The following ANKFN1 variants were observed in gnomAD, a reference collection of about 807,000 sequenced individuals.
The protein encoded by ANKFN1 is ankyrin repeat and fibronectin type-III domain-containing protein 1.
In ANKFN1, 74 loss-of-function variants were observed where a neutral mutation model predicts 108.7. The ratio of observed to expected loss-of-function variants is 0.68; its 90% CI spans 0.56 to 0.83. The LOEUF (loss-of-function observed/expected upper bound fraction) is 0.83, where lower values mean the gene tolerates loss of function less well. Among genes scored for constraint, ANKFN1 ranks in the 40% least tolerant of loss-of-function variants. The pLI, the probability that ANKFN1 is intolerant of heterozygous loss-of-function variation, is 0.00. For synonymous variants in ANKFN1, 547 were observed against 516.2 expected, an observed-to-expected ratio of 1.06 and a Z score of -0.81; for missense variants, 1,505 against 1,382.3, an observed-to-expected ratio of 1.09 and a Z score of -1.41.
At chr17:56,138,785 A>G (rs540625968) in intron 4 of ANKFN1, among the ~76,000 whole-genome samples, 10 of 152,274 alleles carry the variant, frequency 6.6e-5, no homozygotes, top group African/African-American at 2.2e-4. Flanking sequence ...TGCTAGGATT[A>G]TAAGTGTGAG....
At chr17:56,377,608 C>G (rs1162216880) in intron 8 of ANKFN1, among the ~76,000 whole-genome samples, 3 of 152,200 alleles carry the variant, frequency 2.0e-5, no homozygotes, top group African/African-American at 7.2e-5. Flanking sequence ...ATTTCAGATG[C>G]TTCGATGCTT....
chr17:56,361,315 C>T (rs1244246914), intron 6 of ANKFN1, among the ~76,000 whole-genome samples: 1 of 152,118 alleles, frequency 6.6e-6, no homozygotes. Context: ...TCCCATCCCC[C>T]AAAACCCAAA....
intron 1 of ANKFN1, among the ~76,000 whole-genome samples, chr17:56,165,422 T>G (rs1397669367): frequency 1.3e-5 from 2 of 152,240 alleles, no homozygotes; most frequent in African/African-American, 4.8e-5. Context: ...AGATAGGGTA[T>G]GCTTTATGTC....
intron 1 of ANKFN1, among the ~76,000 whole-genome samples, chr17:56,209,577 A>G (rs1914810810): frequency 6.6e-6 from 1 of 152,238 alleles, no homozygotes; most frequent in Admixed American, 6.5e-5. Flanking sequence ...TATCTGAAAC[A>G]GAGTCTCCTA....
chr17:56,175,143 T>G (rs1911030734), intron 1 of ANKFN1, among the ~76,000 whole-genome samples: 1 of 152,196 alleles, frequency 6.6e-6, no homozygotes, highest in Non-Finnish European at 1.5e-5. Flanking sequence ...TCTGCAGGAT[T>G]TTACTTATAC....
chr17:56,346,764 AT>A (rs1409107673), intron 4 of ANKFN1, among the ~76,000 whole-genome samples: 8 of 151,334 alleles, frequency 5.3e-5, no homozygotes, highest in Admixed American at 2.6e-4. Flanking sequence ...TTTATGTGAA[AT>A]TTTTTTTAGG....
chr17:56,239,619 C>T (rs1429718771), intron 3 of ANKFN1, among the ~76,000 whole-genome samples: 1 of 152,044 alleles, frequency 6.6e-6, no homozygotes, highest in Admixed American at 6.6e-5. Flanking sequence ...CTCTGTTGAC[C>T]AGGCCAATCT....
intron 4 of ANKFN1, among the ~76,000 whole-genome samples, chr17:56,332,757 A>C (rs1375017485): frequency 6.6e-6 from 1 of 152,088 alleles, no homozygotes; most frequent in East Asian, 1.9e-4. Flanking sequence ...ACATAGTGTA[A>C]GTCTTCCAAC....
At chr17:56,493,851 A>G (rs1336853105) in intron 19 of ANKFN1, among the ~76,000 whole-genome samples, 3 of 152,174 alleles carry the variant, frequency 2.0e-5, no homozygotes, top group African/African-American at 7.2e-5. Flanking sequence ...ACAATTTGTT[A>G]TGAGGACTTA....
At chr17:56,439,596 T>C (rs766225291) in intron 8 of ANKFN1, among the ~76,000 whole-genome samples, 25 of 151,568 alleles carry the variant, frequency 1.6e-4, no homozygotes, top group Admixed American at 5.3e-4. Flanking sequence ...CCTTTTCCAA[T>C]GAAAAGGCTT....
intron 4 of ANKFN1, among the ~76,000 whole-genome samples, chr17:56,099,197 G>T (rs72829709): frequency 6.6e-6 from 1 of 152,164 alleles, no homozygotes; most frequent in African/African-American, 2.4e-5. Flanking sequence ...ACTGAATCTT[G>T]TTAGTCAAAC....
intron 14 of ANKFN1, among the ~76,000 whole-genome samples, chr17:56,460,307 G>A (rs968386945): frequency 4.6e-5 from 7 of 152,096 alleles, no homozygotes; most frequent in African/African-American, 1.4e-4. Context: ...ACAAAAATTA[G>A]CTGGATGTGG....
intron 4 of ANKFN1, among the ~76,000 whole-genome samples, chr17:56,064,978 G>A (rs80323468): frequency 3.3e-5 from 5 of 152,180 alleles, no homozygotes; most frequent in African/African-American, 4.8e-5. Context: ...TCCCCTGCCC[G>A]TGGGACTCTC....
chr17:56,201,544 G>A (rs540870979), intron 1 of ANKFN1, among the ~76,000 whole-genome samples: 1 of 152,098 alleles, frequency 6.6e-6, no homozygotes, highest in South Asian at 2.1e-4. Context: ...GACATATAAT[G>A]TATCCTTAAT....
intron 4 of ANKFN1, among the ~76,000 whole-genome samples, chr17:56,086,241 C>T (rs535017131): frequency 1.3e-5 from 2 of 150,640 alleles, no homozygotes; most frequent in Non-Finnish European, 3.0e-5. Flanking sequence ...ATCATCTCTA[C>T]TAAAAATACA....
intron 8 of ANKFN1, among the ~76,000 whole-genome samples, chr17:56,413,920 C>T (rs113061564): frequency 0.015 from 2,298 of 152,180 alleles, 29 homozygotes; most frequent in Non-Finnish European, 0.021. Flanking sequence ...TCAGGTGATC[C>T]GCCCACCTCA....
chr17:56,172,687 T>C (rs1303738354), intron 1 of ANKFN1, among the ~76,000 whole-genome samples: 1 of 152,128 alleles, frequency 6.6e-6, no homozygotes, highest in African/African-American at 2.4e-5. Flanking sequence ...GCATGGGATG[T>C]ATTTGCTGAA....
chr17:56,408,137 G>C lies in ANKFN1; in HGVS notation c.911-32190G>C, dbSNP rs368313366. On this transcript the variant is annotated intron_variant, in intron 8 of 20. Transcript: ENST00000682825. Reference sequence around the variant, plus strand: ...TTTAATAGAGACAGGGTTTCACCATGTTGGCCAGGTTGGTCTTGAATTCCC... The same window carrying C: ...TTTAATAGAGACAGGGTTTCACCATCTTGGCCAGGTTGGTCTTGAATTCCC... 8.5e-5 allele frequency among the ~76,000 whole-genome samples: 13 copies of C among 152,098 alleles called. No individual in the cohort carries two copies. The East Asian group carries it at 1.5e-3, about 18-fold the overall frequency.
intron 2 of ANKFN1, among the ~76,000 whole-genome samples, chr17:56,220,963 A>C (rs923789689): frequency 6.6e-6 from 1 of 151,682 alleles, no homozygotes; most frequent in African/African-American, 2.4e-5. Context: ...AGACTGGGTA[A>C]TTTATAAAGA....
Sources: gnomAD v4.1 joint callset for allele counts (sites outside exome capture counted in the v4.1 genomes callset) on GRCh38, gnomAD v4.1.1 for gene constraint, MANE v1.5 for transcripts, NCBI Gene and HGNC (gene_info 2026-07-23, HGNC 2026-07-21) for gene names.